The following AMPD2 variants were observed in gnomAD, a reference collection of about 807,000 sequenced individuals.
AMPD2 encodes adenosine monophosphate deaminase 2.
Under a neutral mutation model 91.3 loss-of-function variants are expected in AMPD2, and 52 were observed. The ratio of observed to expected loss-of-function variants is 0.57; its 90% CI spans 0.46 to 0.72. AMPD2 has a LOEUF of 0.72. Ranked by LOEUF, AMPD2 falls within the 30% of genes least tolerant of loss-of-function variation. AMPD2 has a pLI of 0.00. For missense variants in AMPD2, 822 were observed against 1,122.3 expected (o/e 0.73, Z 3.82); for synonymous variants, 455 against 456.4 (o/e 1.00, Z 0.04).
In AMPD2 at chr1:109,625,568, CT is replaced by C. The variant is rs1022635179; in HGVS notation, c.223-93del. 33 of 1,596,210 alleles carry C rather than the reference CT, an allele frequency of 2.1e-5. No homozygotes were observed. Among genetic ancestry groups the C allele is most frequent in the Admixed American group, 6.7e-5 (4 of 59,440 alleles). On this transcript the variant is annotated intron_variant, in intron 3 of 18. Coordinates refer to ENST00000528667, the MANE Select transcript of AMPD2 (RefSeq NM_001368809.2). The surrounding 1 kb of genome is among the most constrained non-coding windows in gnomAD (Gnocchi z 4.0). ...GATCCTCAGCCTCTCCCAGGTACCCCTGGTCCTGCTGCCCTCACCCCATCCC... is the reference window on the plus strand; with the variant it reads ...GATCCTCAGCCTCTCCCAGGTACCCCGGTCCTGCTGCCCTCACCCCATCCC...
intron 2 of AMPD2, chr1:109,622,289 G>A (rs533453070): frequency 2.2e-6 from 1 of 456,312 alleles, no homozygotes; most frequent in African/African-American, 2.0e-5. Flanking sequence ...GGCCCTGTTT[G>A]GTTCAGCAAT....
rs1483186002 is a variant in AMPD2, at chr1:109,629,398, G to C, written c.1770G>C (p.Leu590=). ...ENHVFNLESP[L]PEAWVEEDNP... is the part of the protein sequence containing the mutation. Reference sequence around the variant, plus strand: ...ATGTCTTCAACCTGGAGAGCCCCCTGCCTGAGGCGTGGGTGGAGGAGGACA... The same window carrying C: ...ATGTCTTCAACCTGGAGAGCCCCCTCCCTGAGGCGTGGGTGGAGGAGGACA... The change falls in exon 15 of 19, where the codon CTG becomes CTC. Residue 590 remains leucine (L), a synonymous_variant. Coordinates refer to ENST00000528667, the MANE Select transcript of AMPD2 (RefSeq NM_001368809.2). The C allele has an allele frequency of 1.9e-6, 3 of 1,614,030 alleles. No individual in the cohort carries two copies. The highest frequency in any genetic ancestry group is 2.5e-6 in the Non-Finnish European group (3 of 1,180,026).
chr1:109,631,530 G>T lies in AMPD2; in HGVS notation c.*378G>T, dbSNP rs1243459847. The T allele has an allele frequency of 6.0e-6, 2 of 333,246 alleles. No individual in the cohort carries two copies. Among genetic ancestry groups the T allele is most frequent in the African/African-American group, 4.2e-5 (2 of 47,150 alleles). The allele number at this position is 333,246 out of a possible 1,614,324, so 20.6% of individuals were successfully genotyped here. A position where few individuals can be genotyped will look rare whatever the true frequency, so the allele number is the denominator to read the frequency against. ...CTGGGCAAATCTAAGCCTTGGCCAG[G>T]GCCGAAGTTTAGGCCCCTGTCTTGT... On this transcript the variant is annotated 3_prime_UTR_variant, in exon 19 of 19. Coordinates refer to ENST00000528667, the MANE Select transcript of AMPD2 (RefSeq NM_001368809.2).
At position 109,623,889 on chromosome 1, in the gene AMPD2, A is replaced by G. The variant is rs78426324; in HGVS notation, c.92-1414A>G. The G allele has an allele frequency of 8.1e-3, 4,116 of 506,902 alleles. 144 individuals are homozygous for G. The African/African-American group carries it at 0.081, about 10-fold the overall frequency. The allele number at this position is 506,902 out of a possible 1,614,324, so 31.4% of individuals were successfully genotyped here. ...GTTCTGGAGTTCGTCTTATCTCCCA[A>G]CTCTGATGCTCCTTCCCTTGGTTTC... On this transcript the variant is annotated intron_variant, in intron 2 of 18. Transcript: ENST00000528667.
At position 109,629,020 on chromosome 1, in the gene AMPD2, CT is replaced by C. The variant is rs1650965012; in HGVS notation, c.1572-87del. The C allele has an allele frequency of 1.9e-6, 3 of 1,561,092 alleles. No homozygotes were observed. The Admixed American group carries it at 5.3e-5, about 28-fold the overall frequency. On this transcript the variant is annotated intron_variant, in intron 13 of 18. Transcript: ENST00000528667. The stretch of plus-strand genomic sequence containing the variant: ...TATGGTTCAGATGCGCCCCTGCGCT[CT>C]TGGGCCAAGCTCTGACCCTTGCTGG...
rs1274800615 is a variant in AMPD2 at position 109,628,505 on chromosome 1, C to T, written c.1407+10C>T. 1.2e-6 allele frequency: 2 copies of T among 1,612,004 alleles called. No individual in the cohort carries two copies. The highest frequency in any genetic ancestry group is 1.7e-6 in the Non-Finnish European group (2 of 1,179,926). On this transcript the variant is annotated intron_variant, in intron 12 of 18. Transcript: ENST00000528667. The surrounding 1 kb of genome is among the most constrained non-coding windows in gnomAD (Gnocchi z 7.1). ...TGCTCACATCATCAAGGTAAGGAGG[C>T]AGCCTTCCCTGCCAAGCCTCGAGCC...
At chr1:109,630,818 T>G in intron 18 of AMPD2, 25 bp downstream of exon 18, 1 of 1,596,942 alleles carries the variant, frequency 6.3e-7, no homozygotes, top group Non-Finnish European at 8.5e-7. Flanking sequence ...GCCTGGACCT[T>G]GGCATGGCAT....
Position 109,629,156 on chromosome 1 carries a change from T to A in AMPD2, c.1619T>A (p.Leu540Gln). 6.2e-7 allele frequency: 1 copy of A among 1,614,060 alleles called. No individual in the cohort carries two copies. The highest frequency in any genetic ancestry group is 8.5e-7 in the Non-Finnish European group (1 of 1,180,002). ...KGQLANFQEM[L>Q]ENIFLPLFEA... ...CAGCTGGCCAACTTCCAGGAGATGC[T>A]GGAGAACATCTTCCTGCCACTGTTC... The change falls in exon 14 of 19, where the codon CTG (leucine) becomes CAG (glutamine). Residue 540 changes from leucine (L) to glutamine (Q), a missense_variant. This residue lies in a region of AMPD2 where 430 missense variants were observed against 606.0 expected (regional missense o/e 0.71). Coordinates refer to ENST00000528667, the MANE Select transcript of AMPD2 (RefSeq NM_001368809.2).
chr1:109,627,343 G>A (rs1650788566), intron 8 of AMPD2, 27 bp downstream of exon 8: 1 of 1,611,340 alleles, frequency 6.2e-7, no homozygotes, highest in East Asian at 2.2e-5. Flanking sequence ...GCATGTTGGG[G>A]GGATGCAGCG....
At position 109,627,596 on chromosome 1, in the gene AMPD2, C is replaced by T. The variant is rs1400625735; in HGVS notation, c.950+78C>T. ...CAGCCCCAGTTCTGCCCCAGACTCC[C>T]ATCACCTGGTGTCTTGCCCTTCCTA... On this transcript the variant is annotated intron_variant, in intron 9 of 18. Transcript: ENST00000528667. The T allele has an allele frequency of 5.1e-6, 8 of 1,564,276 alleles. No individual in the cohort carries two copies. The Middle Eastern group carries it at 6.7e-4, about 131-fold the overall frequency.
Position 109,624,217 on chromosome 1 carries a change from T to A in AMPD2, c.92-1086T>A. 2.8e-6 allele frequency: 1 copy of A among 355,454 alleles called. No homozygotes were observed. Among genetic ancestry groups the A allele is most frequent in the Non-Finnish European group, 3.9e-6 (1 of 253,796 alleles). 22.0% of individuals were successfully genotyped at this position (355,454 alleles called of 1,614,324 possible). ...TATTGGGAAATGGGCGCAGAGACTT[T>A]AAGGCCGGCTACCTAGGCAGATCCT... is the stretch of plus-strand genomic sequence containing the variant. On this transcript the variant is annotated intron_variant, in intron 2 of 18. Coordinates refer to ENST00000528667, the MANE Select transcript of AMPD2 (RefSeq NM_001368809.2). The surrounding 1 kb of genome is among the most constrained non-coding windows in gnomAD (Gnocchi z 5.2).
chr1:109,628,868 C>T lies in AMPD2; in HGVS notation c.1571+62C>T, dbSNP rs1650955350. The T allele has an allele frequency of 6.6e-6, 10 of 1,512,866 alleles. No individual in the cohort carries two copies. In the African/African-American group the frequency reaches 6.9e-5, roughly 10 times the overall value. The allele number at this position is 1,512,866 out of a possible 1,614,324, so 93.7% of individuals were successfully genotyped here. A position where few individuals can be genotyped will look rare whatever the true frequency, so the allele number is the denominator to read the frequency against. On this transcript the variant is annotated intron_variant, in intron 13 of 18. Coordinates refer to ENST00000528667, the MANE Select transcript of AMPD2 (RefSeq NM_001368809.2). This position sits in a 1 kb window ranked among gnomAD's most constrained non-coding sequence, Gnocchi z 7.1. ...TCATATTCAAGGGGTCAGGGCCTGC[C>T]TCCTGCCCTCCTAGGATGGCTGAGC...
At position 109,630,338 on chromosome 1, in the gene AMPD2, G is replaced by C. The variant is rs962483908; in HGVS notation, c.2089G>C (p.Glu697Gln). The change falls in exon 17 of 19, where the codon GAG (glutamate) becomes CAG (glutamine). Residue 697 changes from glutamate to glutamine, a missense_variant. Glu to Gln is a conservative substitution (Grantham distance 29). This residue lies in a region of AMPD2 where 430 missense variants were observed against 606.0 expected (regional missense o/e 0.71). Transcript: ENST00000528667. ...CAGCTATCACCGGAATCCGCTACCGGAGTACCTGTCCCGCGGCCTCATGGT... is the reference window on the plus strand; with the variant it reads ...CAGCTATCACCGGAATCCGCTACCGCAGTACCTGTCCCGCGGCCTCATGGT... ...FLSYHRNPLP[E>Q]YLSRGLMVSL... 2.4e-5 allele frequency: 39 copies of C among 1,613,990 alleles called. No individual in the cohort carries two copies. The highest frequency in any genetic ancestry group is 3.3e-5 in the Non-Finnish European group (39 of 1,180,000).
chr1:109,626,034 T>G (rs1382608504), intron 4 of AMPD2, 126 bp from the exon 5 acceptor site: 7 of 1,197,736 alleles, frequency 5.8e-6, no homozygotes, highest in Non-Finnish European at 8.5e-6. Flanking sequence ...CAGCACAGGG[T>G]TCTGCAGCTC....
chr1:109,626,696 A>T (rs1329577785), intron 6 of AMPD2, 30 bp from the exon 7 acceptor site: 1 of 1,600,404 alleles, frequency 6.2e-7, no homozygotes, highest in Non-Finnish European at 8.5e-7. Flanking sequence ...TCCAAGACTG[A>T]GGAGAGTGAT....
intron 2 of AMPD2, among the ~76,000 whole-genome samples, chr1:109,623,115 G>A (rs922110308): frequency 6.6e-6 from 1 of 152,166 alleles, no homozygotes; most frequent in Non-Finnish European, 1.5e-5. Flanking sequence ...GGGGCTACAG[G>A]TAGAATGTAT....
In AMPD2 at chr1:109,631,507, G is replaced by A. The variant is rs956601690; in HGVS notation, c.*355G>A. On this transcript the variant is annotated 3_prime_UTR_variant, in exon 19 of 19. Coordinates refer to ENST00000528667, the MANE Select transcript of AMPD2 (RefSeq NM_001368809.2). Reference sequence around the variant, plus strand: ...CCCTCTAGCCTTTCCGGTCCTTCCTGGGCAAATCTAAGCCTTGGCCAGGGC... The same window carrying A: ...CCCTCTAGCCTTTCCGGTCCTTCCTAGGCAAATCTAAGCCTTGGCCAGGGC... 1 of 374,438 alleles carries A rather than the reference G, an allele frequency of 2.7e-6. No individual in the cohort carries two copies. The highest frequency in any genetic ancestry group is 4.3e-5 in the Admixed American group (1 of 23,522). The allele number at this position is 374,438 out of a possible 1,614,324, so 23.2% of individuals were successfully genotyped here. A position where few individuals can be genotyped will look rare whatever the true frequency, so the allele number is the denominator to read the frequency against.
In AMPD2 at chr1:109,628,901, G is replaced by T; in HGVS notation, c.1571+95G>T. On this transcript the variant is annotated intron_variant, in intron 13 of 18. Transcript: ENST00000528667. The surrounding 1 kb of genome is among the most constrained non-coding windows in gnomAD (Gnocchi z 7.1). ...CTCCTAGGATGGCTGAGCCTCCCTT[G>T]TCCCTGCCAACCCCTCTGAGTGCAA... The T allele has an allele frequency of 6.8e-7, 1 of 1,480,876 alleles. No homozygotes were observed. Among genetic ancestry groups the T allele is most frequent in the Non-Finnish European group, 9.0e-7 (1 of 1,107,472 alleles). The allele number at this position is 1,480,876 out of a possible 1,614,324, so 91.7% of individuals were successfully genotyped here.
In AMPD2 at chr1:109,625,942, T is replaced by C. The variant is rs1486295076; in HGVS notation, c.353+150T>C. ...TTTGGAGTCGGGCTGCTGGGTTCTG[T>C]TCTGTCTTCTAGCCGCCGGTGTGGC... On this transcript the variant is annotated intron_variant, in intron 4 of 18. Transcript: ENST00000528667. The surrounding 1 kb of genome is among the most constrained non-coding windows in gnomAD (Gnocchi z 4.0). 3 of 1,326,382 alleles carry C rather than the reference T, an allele frequency of 2.3e-6. No individual in the cohort carries two copies. In the African/African-American group the frequency reaches 4.4e-5, roughly 19 times the overall value. The allele number at this position is 1,326,382 out of a possible 1,614,324, so 82.2% of individuals were successfully genotyped here.
Sources: gnomAD v4.1 joint callset for allele counts (sites outside exome capture counted in the v4.1 genomes callset) on GRCh38, gnomAD v4.1.1 for gene constraint, gnomAD v4.1.1 regional missense constraint, Gnocchi (gnomAD v3.1) non-coding constraint, MANE v1.5 for transcripts, NCBI Gene and HGNC (gene_info 2026-07-23, HGNC 2026-07-21) for gene names.